Variants in SOX13 observed in about 807,000 individuals in gnomAD.
The protein encoded by SOX13 is transcription factor SOX-13.
In SOX13, 28 loss-of-function variants were observed where a neutral mutation model predicts 71.8. That is an observed-to-expected ratio of 0.39 (90% CI 0.29 to 0.53). The LOEUF is 0.53. Among genes scored for constraint, SOX13 ranks in the 20% least tolerant of loss-of-function variants. SOX13 has a pLI of 0.70. For synonymous variants in SOX13, 309 were observed against 317.8 expected (o/e 0.97, Z 0.29); for missense variants, 627 against 810.3 (o/e 0.77, Z 2.75).
Position 204,123,037 on chromosome 1 carries a change from C to T in SOX13, c.1134+74C>T. 3.3e-6 allele frequency: 5 copies of T among 1,511,330 alleles called. No individual in the cohort carries two copies. The highest frequency in any genetic ancestry group is 4.6e-6 in the Non-Finnish European group (5 of 1,090,810). 93.6% of individuals were successfully genotyped at this position (1,511,330 alleles called of 1,614,324 possible). A position where few individuals can be genotyped will look rare whatever the true frequency, so the allele number is the denominator to read the frequency against. On this transcript the variant is annotated intron_variant, in intron 10 of 13. Transcript: ENST00000367204. This position sits in a 1 kb window ranked among gnomAD's most constrained non-coding sequence, Gnocchi z 5.0. The stretch of plus-strand genomic sequence containing the variant: ...CAGGAGTGGAAGACACAGTCTGAGG[C>T]CACCAAGAGAGGAGCATGGGGAGGA...
At chr1:204,075,243 G>T (rs768864037) in intron 1 of SOX13, among the ~76,000 whole-genome samples, 18 of 152,216 alleles carry the variant, frequency 1.2e-4, no homozygotes, top group Non-Finnish European at 2.2e-4. Context: ...CTGGGCGTGG[G>T]GCTGTCTCCC....
chr1:204,121,680 C>G (rs775867152), intron 7 of SOX13, among the ~76,000 whole-genome samples: 2 of 150,438 alleles, frequency 1.3e-5, no homozygotes, highest in Non-Finnish European at 3.0e-5. Flanking sequence ...TTGGGAAGGG[C>G]GGGAACCCAG....
intron 1 of SOX13, among the ~76,000 whole-genome samples, chr1:204,097,029 C>T (rs1656266847): frequency 6.6e-6 from 1 of 152,188 alleles, no homozygotes; most frequent in South Asian, 2.1e-4. Flanking sequence ...CTAGCCCCAT[C>T]CTGGCTTCCA....
intron 1 of SOX13, among the ~76,000 whole-genome samples, chr1:204,086,408 A>G (rs1373536544): frequency 1.3e-5 from 2 of 151,868 alleles, no homozygotes; most frequent in African/African-American, 4.8e-5. Context: ...GGTTCAAGAG[A>G]TTCTCCTGCC....
intron 1 of SOX13, among the ~76,000 whole-genome samples, chr1:204,087,024 G>A (rs1321128958): frequency 1.3e-5 from 2 of 151,892 alleles, no homozygotes; most frequent in East Asian, 3.9e-4. Context: ...CCGGGTTCAC[G>A]CCATTCTCCT....
intron 7 of SOX13, 152 bp from the exon 8 acceptor site, chr1:204,121,748 G>C: frequency 1.4e-6 from 1 of 699,080 alleles, no homozygotes; most frequent in South Asian, 1.5e-5. Flanking sequence ...GAGCCTCCAA[G>C]CAGTGCTTTG....
At chr1:204,106,571 G>GT (rs1656475790) in intron 1 of SOX13, among the ~76,000 whole-genome samples, 1 of 149,512 alleles carries the variant, frequency 6.7e-6, no homozygotes, top group Non-Finnish European at 1.5e-5. Context: ...CCAGGCTGGA[G>GT]TGCAGAGGCG....
intron 5 of SOX13, 141 bp from the exon 6 acceptor site, chr1:204,116,981 G>A (rs1656708117): frequency 1.2e-6 from 1 of 865,288 alleles, no homozygotes; most frequent in African/African-American, 1.7e-5. Context: ...CCAATTCTGA[G>A]GGCTGACTGC....
intron 1 of SOX13, among the ~76,000 whole-genome samples, chr1:204,098,641 C>T (rs1656301347): frequency 6.6e-6 from 1 of 152,144 alleles, no homozygotes; most frequent in African/African-American, 2.4e-5. Context: ...CTGCTTGATG[C>T]TATTGAAAGT....
In SOX13 at chr1:204,086,927, C is replaced by CT. The variant is rs34401152; in HGVS notation, c.-2+13229dup. Among the ~76,000 whole-genome samples the CT allele has an allele frequency of 6.3e-5, 9 of 142,758 alleles. No homozygotes were observed. The East Asian group carries it at 8.2e-4, about 13-fold the overall frequency. The allele number at this position is 142,758 out of a possible 152,430, so 93.7% of individuals were successfully genotyped here. A position where few individuals can be genotyped will look rare whatever the true frequency, so the allele number is the denominator to read the frequency against. ...AAGGAGACAATGGTCTTTCTCCTTC[C>CT]TTTTTTTTTTTTTGAGACGGAGTCT... is the stretch of plus-strand genomic sequence containing the variant. On this transcript the variant is annotated intron_variant, in intron 1 of 13. Transcript: ENST00000367204.
At chr1:204,096,239 GTTTTTTT>G (rs59094119) in intron 1 of SOX13, among the ~76,000 whole-genome samples, 1 of 85,360 alleles carries the variant, frequency 1.2e-5, no homozygotes, top group Non-Finnish European at 2.1e-5. Context: ...TCTTTCTTTC[GTTTTTTT>G]TTTTTTTTTT....
chr1:204,096,351 C>T (rs1278347302), intron 1 of SOX13, among the ~76,000 whole-genome samples: 2 of 148,576 alleles, frequency 1.3e-5, no homozygotes, highest in Non-Finnish European at 3.0e-5. Context: ...GCGATCCTCC[C>T]ACCTCAGCCT....
At position 204,078,624 on chromosome 1, in the gene SOX13, G is replaced by A. The variant is rs796907766; in HGVS notation, c.-2+4913G>A. On this transcript the variant is annotated intron_variant, in intron 1 of 13. Transcript: ENST00000367204. ...CCCTTTCTGGAACCCGGATGTGTCA[G>A]CCAGGGAGGCCATCACAGTGCCTTT... Among the ~76,000 whole-genome samples the A allele has an allele frequency of 2.0e-5, 3 of 152,190 alleles. No homozygotes were observed. The South Asian group carries it at 6.2e-4, about 32-fold the overall frequency.
chr1:204,118,526 A>G (rs1318387767), intron 7 of SOX13: 1 of 151,798 alleles, frequency 6.6e-6, no homozygotes. Flanking sequence ...ATACCTGGCT[A>G]ATTTTTGTAT....
chr1:204,107,974 A>C (rs1166646215), intron 1 of SOX13, among the ~76,000 whole-genome samples: 2 of 152,140 alleles, frequency 1.3e-5, no homozygotes, highest in Non-Finnish European at 2.9e-5. Flanking sequence ...AGGGTAGGCC[A>C]CTGAGAGGCC....
In SOX13 at chr1:204,126,242, G is replaced by C; in HGVS notation, c.*108G>C. On this transcript the variant is annotated 3_prime_UTR_variant, in exon 14 of 14. Coordinates refer to ENST00000367204, the MANE Select transcript of SOX13 (RefSeq NM_005686.3). The stretch of plus-strand genomic sequence containing the variant: ...TATGTTGGTACTTGGACTTGTTCGT[G>C]CCCCAGAGATGGGCAAAGCTGTGCA... The C allele has an allele frequency of 8.1e-7, 1 of 1,241,252 alleles. No individual in the cohort carries two copies. The highest frequency in any genetic ancestry group is 1.5e-5 in the South Asian group (1 of 68,962). 76.9% of individuals were successfully genotyped at this position (1,241,252 alleles called of 1,614,324 possible). A position where few individuals can be genotyped will look rare whatever the true frequency, so the allele number is the denominator to read the frequency against.
intron 1 of SOX13, among the ~76,000 whole-genome samples, chr1:204,089,303 C>T (rs770144942): frequency 2.0e-5 from 3 of 152,138 alleles, no homozygotes; most frequent in Non-Finnish European, 4.4e-5. Context: ...TGAGCCCAGC[C>T]CCGTGTGGGG....
intron 1 of SOX13, among the ~76,000 whole-genome samples, chr1:204,095,594 A>C (rs1317652480): frequency 6.6e-6 from 1 of 152,180 alleles, no homozygotes; most frequent in African/African-American, 2.4e-5. Context: ...GCCTCTGTCC[A>C]TCTGCAGATT....
intron 1 of SOX13, among the ~76,000 whole-genome samples, chr1:204,077,460 T>C (rs1655808181): frequency 6.6e-6 from 1 of 152,222 alleles, no homozygotes; most frequent in Non-Finnish European, 1.5e-5. Context: ...CTGTAGACCC[T>C]TTTGTCCTTT....
Sources: allele counts gnomAD v4.1 joint callset (sites outside exome capture counted in the v4.1 genomes callset), GRCh38; gene constraint gnomAD v4.1.1; non-coding constraint Gnocchi (gnomAD v3.1); transcripts MANE v1.5; gene names NCBI Gene and HGNC (gene_info 2026-07-23, HGNC 2026-07-21).